Variants in SLK observed in about 807,000 individuals in gnomAD.
SLK encodes the protein STE20-like serine/threonine-protein kinase.
SLK carries 67 observed loss-of-function variants against 147.7 expected under a neutral mutation model. The observed-to-expected ratio is 0.45, with a 90% CI of 0.37 to 0.56. The LOEUF (loss-of-function observed/expected upper bound fraction) is 0.56. SLK is among the 20% of genes least tolerant of loss of function. The pLI is 0.00. For missense variants in SLK, 1,136 were observed against 1,438.8 expected (o/e 0.79, Z 3.41); for synonymous variants, 441 against 475.0 (o/e 0.93, Z 0.93).
intron 13 of SLK, among the ~76,000 whole-genome samples, chr10:104,013,748 C>CTGCCTTTTCACATG (rs1844427835): frequency 1.3e-5 from 2 of 152,156 alleles, no homozygotes; most frequent in Admixed American, 1.3e-4. Context: ...CCTGTTTTAC[C>CTGCCTTTTCACATG]TGCCTTTTCA....
chr10:104,009,358 G>A (rs2134511053), intron 12 of SLK, among the ~76,000 whole-genome samples: 1 of 152,146 alleles, frequency 6.6e-6, no homozygotes, highest in Middle Eastern at 3.4e-3. Flanking sequence ...TTTAAATTGA[G>A]AAGAAAATTG....
intron 1 of SLK, among the ~76,000 whole-genome samples, chr10:103,978,105 T>C (rs1843894337): frequency 6.6e-6 from 1 of 152,212 alleles, no homozygotes; most frequent in South Asian, 2.1e-4. Flanking sequence ...TAATCCTTCC[T>C]GAACAATTCT....
Position 104,020,578 on chromosome 10 carries a change from T to C in SLK, c.3412T>C (p.Cys1138Arg), listed in dbSNP as rs769371688. 6.2e-7 allele frequency: 1 copy of C among 1,613,846 alleles called. No homozygotes were observed. The highest frequency in any genetic ancestry group is 8.5e-7 in the Non-Finnish European group (1 of 1,179,906). Residue 1138 changes from cysteine to arginine, a missense_variant, in exon 17 of 19, where the codon TGT becomes CGT. Around this residue, in one of 6 missense-constraint regions of SLK, gnomAD observed 327 missense variants for 457.5 expected, o/e 0.71. Coordinates refer to ENST00000369755, the MANE Select transcript of SLK (RefSeq NM_014720.4). ...ENQMRDLQLQCEANVRELHQL... is the reference protein window; with the variant it reads ...ENQMRDLQLQREANVRELHQL... Reference sequence around the variant, plus strand: ...TCAAATGCGAGATCTTCAGTTGCAGTGTGAAGCCAATGTCCGCGAACTGCA... The same window carrying C: ...TCAAATGCGAGATCTTCAGTTGCAGCGTGAAGCCAATGTCCGCGAACTGCA...
chr10:104,001,669 A>ACCT, intron 8 of SLK, 97 bp downstream of exon 8: 1 of 1,333,418 alleles, frequency 7.5e-7, no homozygotes, highest in Non-Finnish European at 1.0e-6. Flanking sequence ...GCAACGCAAA[A>ACCT]CCTTTAAATT....
At position 104,021,617 on chromosome 10, in the gene SLK, C is replaced by T. The variant is rs1277950259; in HGVS notation, c.3448-3C>T. ...TTTTTTTAAATCCCAACTTTATTTT[C>T]AGAATGAAAAATGCCACTTGTTGGT... On this transcript the variant is annotated splice_polypyrimidine_tract_variant and splice_region_variant and intron_variant, in intron 17 of 18. Coordinates refer to ENST00000369755, the MANE Select transcript of SLK (RefSeq NM_014720.4). 2.6e-6 allele frequency: 4 copies of T among 1,561,816 alleles called. No individual in the cohort carries two copies. The South Asian group carries it at 4.7e-5, about 19-fold the overall frequency.
Position 103,973,122 on chromosome 10 carries a change from ATCT to A in SLK, c.150+5231_150+5233del, listed in dbSNP as rs1843815935. On this transcript the variant is annotated intron_variant, in intron 1 of 18. Coordinates refer to ENST00000369755, the MANE Select transcript of SLK (RefSeq NM_014720.4). ...TTCCTAATGTGTGATCATGAAGATA[ATCT>A]TCTATATTATCTTCTAAAAGCTTTA... is the stretch of plus-strand genomic sequence containing the variant. 5.3e-5 allele frequency among the ~76,000 whole-genome samples: 8 copies of A among 152,280 alleles called. No homozygotes were observed. In the South Asian group the frequency reaches 1.7e-3, roughly 32 times the overall value.
chr10:103,975,801 G>A (rs1356480739), intron 1 of SLK, among the ~76,000 whole-genome samples: 2 of 152,174 alleles, frequency 1.3e-5, no homozygotes, highest in Non-Finnish European at 2.9e-5. Flanking sequence ...ACGGCCCGGT[G>A]CAGGGGCTCA....
intron 1 of SLK, among the ~76,000 whole-genome samples, chr10:103,986,129 T>C (rs1844009214): frequency 1.3e-5 from 2 of 152,254 alleles, no homozygotes; most frequent in African/African-American, 4.8e-5. Flanking sequence ...ACTGGTTTCA[T>C]GGAAGACAAC....
chr10:103,995,423 C>CTTTTTTTTTTTTTTTTTTTTTTTT (rs756975426), intron 4 of SLK, among the ~76,000 whole-genome samples: 1 of 67,704 alleles, frequency 1.5e-5, no homozygotes, highest in African/African-American at 7.5e-5. Flanking sequence ...TCTTTCTTTT[C>CTTTTTTTTTTTTTTTTTTTTTTTT]TTTTTTTTTT....
intron 15 of SLK, 30 bp downstream of exon 15, chr10:104,018,938 T>G: frequency 1.3e-6 from 2 of 1,546,718 alleles, no homozygotes; most frequent in African/African-American, 1.4e-5. Context: ...CTTCATTTTT[T>G]TGTTCGTTTT....
Position 104,018,764 on chromosome 10 carries a change from T to G in SLK, c.3008-20T>G. ...GTAAAAAAAGAGCAAAGTGACATTT[T>G]GAAAACTGCTGTCTTCTAGCTCGAG... On this transcript the variant is annotated intron_variant, in intron 14 of 18. Transcript: ENST00000369755. 1 of 1,589,304 alleles carries G rather than the reference T, an allele frequency of 6.3e-7. No individual in the cohort carries two copies.
At chr10:103,974,272 T>G (rs1258072770) in intron 1 of SLK, among the ~76,000 whole-genome samples, 1 of 152,052 alleles carries the variant, frequency 6.6e-6, no homozygotes, top group Non-Finnish European at 1.5e-5. Flanking sequence ...CCATCTTACT[T>G]GACCTGTCAT....
intron 1 of SLK, among the ~76,000 whole-genome samples, chr10:103,978,966 C>T (rs1194589222): frequency 2.0e-5 from 3 of 151,992 alleles, no homozygotes; most frequent in Non-Finnish European, 4.4e-5. Context: ...GTCATTTTAG[C>T]ATCTCAATTT....
At chr10:103,977,466 T>C (rs1173402759) in intron 1 of SLK, among the ~76,000 whole-genome samples, 1 of 152,008 alleles carries the variant, frequency 6.6e-6, no homozygotes, top group East Asian at 1.9e-4. Context: ...GTAAAAAAAC[T>C]TAGCTGGGCA....
chr10:104,012,139 A>T (rs1844408610), intron 13 of SLK, among the ~76,000 whole-genome samples: 1 of 152,090 alleles, frequency 6.6e-6, no homozygotes, highest in African/African-American at 2.4e-5. Flanking sequence ...GATTTTATAG[A>T]CCCATAAAAA....
At chr10:103,992,048 A>G (rs1167956322) in intron 2 of SLK, among the ~76,000 whole-genome samples, 1 of 151,196 alleles carries the variant, frequency 6.6e-6, no homozygotes, top group South Asian at 2.1e-4. Flanking sequence ...GGAAAGGTAC[A>G]TGGTGTTATG....
At chr10:103,980,308 A>C (rs1261985101) in intron 1 of SLK, among the ~76,000 whole-genome samples, 1 of 152,232 alleles carries the variant, frequency 6.6e-6, no homozygotes, top group East Asian at 1.9e-4. Flanking sequence ...AGTAAAATAC[A>C]CATAAAATTT....
rs755723291 is a variant in SLK, at chr10:104,003,476, C to T, written c.2298C>T (p.Ser766=). 8 of 1,604,330 alleles carry T rather than the reference C, an allele frequency of 5.0e-6. No individual in the cohort carries two copies. Among genetic ancestry groups the T allele is most frequent in the South Asian group, 3.3e-5 (3 of 90,212 alleles). The change falls in exon 9 of 19, where the codon TCC becomes TCT. Residue 766 remains serine (S), a synonymous_variant. Coordinates refer to ENST00000369755, the MANE Select transcript of SLK (RefSeq NM_014720.4). ...CTAGCAGTATTGACTTGAATTTATC[C>T]ATCTCTAGCTTTCTAAGTAAAACTA... ...ADTSSIDLNL[S]ISSFLSKTKD...
chr10:103,989,760 G>A (rs1314853604), intron 1 of SLK, among the ~76,000 whole-genome samples: 1 of 152,096 alleles, frequency 6.6e-6, no homozygotes, highest in Non-Finnish European at 1.5e-5. Flanking sequence ...GAGCCACCGC[G>A]CCCGGCCAAC....
Sources: gnomAD v4.1 joint callset for allele counts (sites outside exome capture counted in the v4.1 genomes callset) on GRCh38, gnomAD v4.1.1 for gene constraint, gnomAD v4.1.1 regional missense constraint, MANE v1.5 for transcripts, NCBI Gene and HGNC (gene_info 2026-07-23, HGNC 2026-07-21) for gene names.